PTPRD: variants seen among roughly 807,000 people sequenced by gnomAD.
PTPRD encodes protein tyrosine phosphatase receptor type D, also known as receptor-type tyrosine-protein phosphatase delta.
PTPRD carries 34 observed loss-of-function variants against 214.5 expected under a neutral mutation model. The ratio of observed to expected loss-of-function variants is 0.16; its 90% CI spans 0.12 to 0.21. PTPRD has a LOEUF of 0.21. Ranked by LOEUF, PTPRD falls within the 10% of genes least tolerant of loss-of-function variation. The pLI is 1.00. For synonymous variants in PTPRD, 1,128 were observed against 845.7 expected (o/e 1.33, Z -5.79); for missense variants, 2,545 against 2,398.7 (o/e 1.06, Z -1.27).
In PTPRD at chr9:8,317,594, T is replaced by C. The variant is rs1822851233; in HGVS notation, c.*280A>G. On this transcript the variant is annotated 3_prime_UTR_variant, in exon 46 of 46. Transcript: ENST00000381196. ...GGTGGTTCTTTGCTGTGATTTCTTC[T>C]TCCCTTGATTTTGAATCCTTGAGGT... 3.1e-6 allele frequency: 1 copy of C among 324,638 alleles called. No individual in the cohort carries two copies. Among genetic ancestry groups the C allele is most frequent in the African/African-American group, 2.0e-5 (1 of 48,898 alleles). The allele number at this position is 324,638 out of a possible 1,614,324, so 20.1% of individuals were successfully genotyped here. A position where few individuals can be genotyped will look rare whatever the true frequency, so the allele number is the denominator to read the frequency against.
intron 36 of PTPRD, among the ~76,000 whole-genome samples, chr9:8,401,139 T>C (rs1237112527): frequency 1.3e-5 from 2 of 151,038 alleles, no homozygotes; most frequent in Non-Finnish European, 2.9e-5. Flanking sequence ...AGCTTCCATT[T>C]GGTCTTTATT....
At chr9:9,871,746 G>C (rs559101655) in intron 5 of PTPRD, among the ~76,000 whole-genome samples, 2 of 151,032 alleles carry the variant, frequency 1.3e-5, no homozygotes, top group Non-Finnish European at 2.9e-5. Context: ...CTTCCGGAAA[G>C]GGGCCTGGGA....
rs35878289 is a variant in PTPRD, at chr9:8,353,424, G to C, written c.4662-11446C>G. Among the ~76,000 whole-genome samples, 125 of 107,862 alleles carry C rather than the reference G, an allele frequency of 1.2e-3. 1 individual carries two copies. The highest frequency in any genetic ancestry group is 3.0e-3 in the African/African-American group (115 of 38,506). The allele number at this position is 107,862 out of a possible 152,430, so 70.8% of individuals were successfully genotyped here. On this transcript the variant is annotated intron_variant, in intron 39 of 45. Coordinates refer to ENST00000381196, the MANE Select transcript of PTPRD (RefSeq NM_002839.4). ...CCTATTTATTTATTTATTTATGAAT[G>C]TATGAATGAATGAATGAATGAATGA...
At chr9:9,556,395 A>C (rs896764942) in intron 8 of PTPRD, among the ~76,000 whole-genome samples, 5 of 152,140 alleles carry the variant, frequency 3.3e-5, no homozygotes, top group African/African-American at 1.2e-4. Context: ...CGTTTGGTGT[A>C]ACATTTATTG....
At chr9:9,845,508 G>A (rs952874179) in intron 5 of PTPRD, among the ~76,000 whole-genome samples, 3 of 151,596 alleles carry the variant, frequency 2.0e-5, no homozygotes, top group Admixed American at 6.6e-5. Flanking sequence ...GAGGTGGGGG[G>A]CATCAATTCA....
At chr9:9,902,994 G>A (rs1368717910) in intron 5 of PTPRD, among the ~76,000 whole-genome samples, 1 of 151,964 alleles carries the variant, frequency 6.6e-6, no homozygotes, top group Non-Finnish European at 1.5e-5. Context: ...TTTTAATTAA[G>A]GGAGTTTTAC....
chr9:9,117,113 A>G (rs1474379671), intron 10 of PTPRD, among the ~76,000 whole-genome samples: 1 of 152,146 alleles, frequency 6.6e-6, no homozygotes, highest in African/African-American at 2.4e-5. Flanking sequence ...TGGACACTGA[A>G]TAGAAACTCT....
chr9:9,492,951 G>A (rs1426706439), intron 8 of PTPRD, among the ~76,000 whole-genome samples: 1 of 145,110 alleles, frequency 6.9e-6, no homozygotes, highest in Non-Finnish European at 1.5e-5. Context: ...ACCCATATAA[G>A]ACGACAAACA....
chr9:8,982,230 G>A (rs1411553660), intron 11 of PTPRD, among the ~76,000 whole-genome samples: 2 of 151,990 alleles, frequency 1.3e-5, no homozygotes, highest in Admixed American at 6.6e-5. Context: ...TGAAATGCAC[G>A]TATTCCAATG....
At chr9:8,483,204 T>C (rs1183045026) in intron 30 of PTPRD, among the ~76,000 whole-genome samples, 1 of 152,250 alleles carries the variant, frequency 6.6e-6, no homozygotes, top group East Asian at 1.9e-4. Context: ...CCTGTTGGCC[T>C]CTATGCTGTG....
At chr9:8,754,186 A>C in intron 11 of PTPRD, among the ~76,000 whole-genome samples, 1 of 152,180 alleles carries the variant, frequency 6.6e-6, no homozygotes, top group Non-Finnish European at 1.5e-5. Flanking sequence ...ATCTTTCCCA[A>C]GTTTATCTAT....
intron 10 of PTPRD, among the ~76,000 whole-genome samples, chr9:9,053,386 T>C (rs1031308885): frequency 2.9e-5 from 4 of 138,354 alleles, no homozygotes; most frequent in African/African-American, 1.2e-4. Context: ...TGATGGCCAA[T>C]GATGATGATG....
intron 3 of PTPRD, among the ~76,000 whole-genome samples, chr9:10,228,529 T>C (rs1241660493): frequency 6.6e-6 from 1 of 151,888 alleles, no homozygotes; most frequent in Non-Finnish European, 1.5e-5. Flanking sequence ...AAATGACTTT[T>C]CGAATATAAG....
intron 2 of PTPRD, among the ~76,000 whole-genome samples, chr9:10,565,831 T>C (rs2065426510): frequency 6.6e-6 from 1 of 151,796 alleles, no homozygotes; most frequent in South Asian, 2.1e-4. Flanking sequence ...AAAAATACAA[T>C]ACATATACAT....
chr9:9,528,471 T>C lies in PTPRD; in HGVS notation c.-237+46261A>G, dbSNP rs2074677348. ...ACTGAGAAAGCTTTAAAAAAAAAGA[T>C]TGATAACAATGTAAATAACATCAAT... On this transcript the variant is annotated intron_variant, in intron 8 of 45. Coordinates refer to ENST00000381196, the MANE Select transcript of PTPRD (RefSeq NM_002839.4). Among the ~76,000 whole-genome samples the C allele has an allele frequency of 2.6e-5, 4 of 152,124 alleles. No homozygotes were observed. The South Asian group carries it at 8.3e-4, about 32-fold the overall frequency.
chr9:8,689,590 G>A (rs771307963), intron 12 of PTPRD, among the ~76,000 whole-genome samples: 3 of 152,142 alleles, frequency 2.0e-5, no homozygotes, highest in Non-Finnish European at 4.4e-5. Flanking sequence ...TCACTACCAT[G>A]AGAATAGTAT....
chr9:9,812,137 AT>A (rs59927512), intron 5 of PTPRD, among the ~76,000 whole-genome samples: 82,250 of 151,642 alleles, frequency 0.54, 25,602 homozygotes, highest in East Asian at 0.88. Flanking sequence ...AGGTATATGC[AT>A]TTTTTTTTAG....
chr9:9,209,194 T>G (rs1172366902), intron 9 of PTPRD, among the ~76,000 whole-genome samples: 1 of 152,166 alleles, frequency 6.6e-6, no homozygotes, highest in African/African-American at 2.4e-5. Flanking sequence ...AAGCCTCTAT[T>G]CCTAATTAGC....
intron 2 of PTPRD, among the ~76,000 whole-genome samples, chr9:10,540,498 C>A (rs557967653): frequency 2.0e-5 from 3 of 152,182 alleles, no homozygotes; most frequent in Non-Finnish European, 4.4e-5. Flanking sequence ...ACTCCTTTTC[C>A]CATGTATAAT....
Sources: allele counts gnomAD v4.1 joint callset (sites outside exome capture counted in the v4.1 genomes callset), GRCh38; gene constraint gnomAD v4.1.1; transcripts MANE v1.5; gene names NCBI Gene and HGNC (gene_info 2026-07-23, HGNC 2026-07-21).